Variants in ANO6 observed in about 807,000 individuals in gnomAD.
ANO6 encodes the protein anoctamin 6, also known as anoctamin-6.
ANO6 carries 106 observed loss-of-function variants against 117.5 expected under a neutral mutation model. The ratio of observed to expected loss-of-function variants is 0.90; its 90% CI spans 0.77 to 1.06. ANO6 has a LOEUF of 1.06. Ranked by LOEUF, ANO6 falls within the 50% of genes least tolerant of loss-of-function variation. ANO6 has a pLI of 0.00. For missense variants in ANO6, 955 were observed against 1,121.1 expected, an observed-to-expected ratio of 0.85 and a Z score of 2.12; for synonymous variants, 367 against 385.1, an observed-to-expected ratio of 0.95 and a Z score of 0.55.
rs551025236 is a variant in ANO6 at position 45,389,761 on chromosome 12, TG to T, written c.1309-657del. Among the ~76,000 whole-genome samples, 42 of 152,294 alleles carry T rather than the reference TG, an allele frequency of 2.8e-4. No individual in the cohort carries two copies. In the East Asian group the frequency reaches 7.3e-3, roughly 27 times the overall value. On this transcript the variant is annotated intron_variant, in intron 11 of 19. Transcript: ENST00000320560. ...TGCCTCAGTGACCTCATCTATAAAA[TG>T]GGAATAATACAGTTGTTTCCTCATG...
At position 45,223,043 on chromosome 12, in the gene ANO6, C is replaced by T. The variant is rs538946287; in HGVS notation, c.70+6652C>T. Among the ~76,000 whole-genome samples the T allele has an allele frequency of 5.3e-5, 8 of 152,320 alleles. No homozygotes were observed. The South Asian group carries it at 8.3e-4, about 16-fold the overall frequency. On this transcript the variant is annotated intron_variant, in intron 1 of 19. Coordinates refer to ENST00000320560, the MANE Select transcript of ANO6 (RefSeq NM_001025356.3). Reference sequence around the variant, plus strand: ...CTGAAGGTAGCTTGCCCTGGGAGGGCGTGAAAACTCAGTGCCTTTTCCCGC... The same window carrying T: ...CTGAAGGTAGCTTGCCCTGGGAGGGTGTGAAAACTCAGTGCCTTTTCCCGC...
chr12:45,424,981 A>C (rs1943466095), intron 19 of ANO6, among the ~76,000 whole-genome samples: 1 of 152,208 alleles, frequency 6.6e-6, no homozygotes, highest in Non-Finnish European at 1.5e-5. Context: ...GAGGTTCAGC[A>C]GGAAACAACT....
chr12:45,311,989 C>G (rs2137334278), intron 2 of ANO6, among the ~76,000 whole-genome samples: 1 of 152,118 alleles, frequency 6.6e-6, no homozygotes, highest in South Asian at 2.1e-4. Flanking sequence ...AACCCTTTCT[C>G]CATATAACAG....
intron 12 of ANO6, among the ~76,000 whole-genome samples, chr12:45,395,631 A>G (rs1019111436): frequency 6.6e-6 from 1 of 152,228 alleles, no homozygotes; most frequent in African/African-American, 2.4e-5. Flanking sequence ...CACATCAAAA[A>G]GCTTATCCAA....
At chr12:45,399,629 G>A (rs1942731438) in intron 12 of ANO6, among the ~76,000 whole-genome samples, 1 of 152,114 alleles carries the variant, frequency 6.6e-6, no homozygotes, top group Non-Finnish European at 1.5e-5. Context: ...GCTGAGTCCG[G>A]TGGGATGTTA....
intron 3 of ANO6, among the ~76,000 whole-genome samples, chr12:45,340,283 G>A (rs1471212554): frequency 6.6e-6 from 1 of 152,186 alleles, no homozygotes; most frequent in South Asian, 2.1e-4. Context: ...AGTGTGGCAG[G>A]TGCTTTTGTC....
chr12:45,268,887 C>T (rs761994036), intron 1 of ANO6, among the ~76,000 whole-genome samples: 3 of 152,308 alleles, frequency 2.0e-5, no homozygotes, highest in South Asian at 2.1e-4. Context: ...TTGCTATTTC[C>T]GTGCTCAGGG....
Position 45,401,912 on chromosome 12 carries a change from C to G in ANO6, c.1504C>G (p.Leu502Val). ...TGGAACAGACCCAATCCAGAAATAC[C>G]TGACTCCACAGACAGCCACGTCCAT... is the stretch of plus-strand genomic sequence containing the variant. ...INGTDPIQKYLTPQTATSITA... is the reference protein window; with the variant it reads ...INGTDPIQKYVTPQTATSITA... Residue 502 changes from leucine (L) to valine (V), a missense_variant, in exon 13 of 20, where the codon CTG becomes GTG. Coordinates refer to ENST00000320560, the MANE Select transcript of ANO6 (RefSeq NM_001025356.3). 5 of 1,614,078 alleles carry G rather than the reference C, an allele frequency of 3.1e-6. No homozygotes were observed. Among genetic ancestry groups the G allele is most frequent in the Non-Finnish European group, 4.2e-6 (5 of 1,179,994 alleles).
intron 1 of ANO6, among the ~76,000 whole-genome samples, chr12:45,226,984 C>CTTTTTTTTTTTTTTTTTTTTTTT (rs906373347): frequency 8.9e-6 from 1 of 112,764 alleles, no homozygotes; most frequent in African/African-American, 3.4e-5. Context: ...TTATCATTTT[C>CTTTTTTTTTTTTTTTTTTTTTTT]TTTTTTTTTT....
chr12:45,398,798 A>T (rs1202693479), intron 12 of ANO6, among the ~76,000 whole-genome samples: 1 of 152,232 alleles, frequency 6.6e-6, no homozygotes, highest in Non-Finnish European at 1.5e-5. Flanking sequence ...AAATATGCAT[A>T]CAATGCATAC....
At chr12:45,347,253 T>C (rs1469257032) in intron 4 of ANO6, 166 bp downstream of exon 4, 11 of 634,176 alleles carry the variant, frequency 1.7e-5, no homozygotes, top group Non-Finnish European at 2.8e-5. Flanking sequence ...ATGTATTCTT[T>C]TTTTCTGATC....
At chr12:45,301,820 G>A (rs1029023377) in intron 1 of ANO6, among the ~76,000 whole-genome samples, 194 bp from the exon 2 acceptor site, 2 of 152,146 alleles carry the variant, frequency 1.3e-5, no homozygotes, top group African/African-American at 2.4e-5. Flanking sequence ...CCCTGGCATC[G>A]TCTGGTAGAT....
chr12:45,398,170 C>G (rs1942679569), intron 12 of ANO6, among the ~76,000 whole-genome samples: 1 of 152,080 alleles, frequency 6.6e-6, no homozygotes. Flanking sequence ...GAGGTCAATA[C>G]CTTTAATACG....
intron 2 of ANO6, among the ~76,000 whole-genome samples, chr12:45,311,916 T>A (rs1939861936): frequency 6.6e-6 from 1 of 152,082 alleles, no homozygotes; most frequent in South Asian, 2.1e-4. Flanking sequence ...TTTGCATTGC[T>A]CCATTTTATG....
chr12:45,367,420 A>G (rs774681070), intron 8 of ANO6, among the ~76,000 whole-genome samples: 4 of 152,196 alleles, frequency 2.6e-5, no homozygotes, highest in Non-Finnish European at 4.4e-5. Context: ...CTTGACATAC[A>G]ATGCTGGCAG....
intron 1 of ANO6, among the ~76,000 whole-genome samples, chr12:45,243,010 T>A (rs1208485433): frequency 6.6e-6 from 1 of 152,216 alleles, no homozygotes; most frequent in Non-Finnish European, 1.5e-5. Flanking sequence ...GAGAAATTAT[T>A]TGGATAATAA....
At chr12:45,245,117 G>A (rs1284708945) in intron 1 of ANO6, among the ~76,000 whole-genome samples, 1 of 152,144 alleles carries the variant, frequency 6.6e-6, no homozygotes, top group Non-Finnish European at 1.5e-5. Context: ...AGAAATCTCA[G>A]CAAATGGCTC....
chr12:45,425,863 T>C (rs150401760), intron 19 of ANO6, among the ~76,000 whole-genome samples: 292 of 152,306 alleles, frequency 1.9e-3, no homozygotes, highest in Middle Eastern at 6.8e-3. Context: ...GCAAAGATCT[T>C]TCTAAGATGT....
In ANO6 at chr12:45,398,935, A is replaced by T. The variant is rs80013288; in HGVS notation, c.1387-2860A>T. ...TCGGTCTTCAGTCGGTTTAAACAAC[A>T]GCAAAAGAGGGGGAGGTGGGATTTA... On this transcript the variant is annotated intron_variant, in intron 12 of 19. Coordinates refer to ENST00000320560, the MANE Select transcript of ANO6 (RefSeq NM_001025356.3). Among the ~76,000 whole-genome samples the T allele has an allele frequency of 9.3e-3, 1,423 of 152,298 alleles. 26 individuals are homozygous for T. The highest frequency in any genetic ancestry group is 0.032 in the African/African-American group (1,340 of 41,572).
Sources: gnomAD v4.1 joint callset for allele counts (sites outside exome capture counted in the v4.1 genomes callset) on GRCh38, gnomAD v4.1.1 for gene constraint, MANE v1.5 for transcripts, NCBI Gene and HGNC (gene_info 2026-07-23, HGNC 2026-07-21) for gene names.